MBNL2: variants seen among roughly 807,000 people sequenced by gnomAD.
The protein encoded by MBNL2 is muscleblind-like protein 2.
MBNL2 carries 17 observed loss-of-function variants against 41.9 expected under a neutral mutation model. The ratio of observed to expected loss-of-function variants is 0.41; its 90% CI spans 0.28 to 0.61. The LOEUF is 0.61. MBNL2 is among the 20% of genes least tolerant of loss of function. MBNL2 has a pLI of 0.35. For missense variants in MBNL2, 336 were observed against 505.6 expected (o/e 0.66, Z 3.22); for synonymous variants, 195 against 182.9 (o/e 1.07, Z -0.53).
At chr13:97,236,387 G>A (rs2043277230) in intron 1 of MBNL2, among the ~76,000 whole-genome samples, 2 of 151,910 alleles carry the variant, frequency 1.3e-5, no homozygotes, top group African/African-American at 2.4e-5. Context: ...GTTGGGGGTG[G>A]TATCTGAAAG....
the MBNL2 span, among the ~76,000 whole-genome samples, chr13:97,186,603 ACTAT>A: frequency 3.0e-4 from 45 of 152,214 alleles, no homozygotes; most frequent in Non-Finnish European, 5.7e-4. Context: ...GGTCAGAATG[ACTAT>A]CTAACCATAT....
intron 1 of MBNL2, among the ~76,000 whole-genome samples, chr13:97,226,627 C>T (rs1184762585): frequency 6.6e-6 from 1 of 152,086 alleles, no homozygotes. Context: ...TGGGGGAGAA[C>T]AAGAGATGGA....
chr13:97,370,156 A>G (rs2049414926), intron 8 of MBNL2, among the ~76,000 whole-genome samples: 2 of 152,190 alleles, frequency 1.3e-5, no homozygotes, highest in African/African-American at 4.8e-5. Flanking sequence ...CCCATTTGAT[A>G]GATGGTAAAA....
intron 2 of MBNL2, among the ~76,000 whole-genome samples, chr13:97,331,366 G>C (rs1342589568): frequency 6.6e-6 from 1 of 152,210 alleles, no homozygotes; most frequent in Non-Finnish European, 1.5e-5. Context: ...TATGAGACCA[G>C]AATCTGTGAG....
At chr13:97,280,705 C>T (rs1418073139) in intron 2 of MBNL2, among the ~76,000 whole-genome samples, 2 of 152,230 alleles carry the variant, frequency 1.3e-5, no homozygotes, top group South Asian at 2.1e-4. Context: ...CTCCAACCCA[C>T]TCCAGCCACG....
upstream of MBNL2, chr13:97,222,322 C>A: frequency 2.5e-6 from 1 of 398,386 alleles, no homozygotes; most frequent in Non-Finnish European, 4.4e-6. Context: ...CAGCTTACAG[C>A]AACAGAGTTT....
intron 2 of MBNL2, among the ~76,000 whole-genome samples, chr13:97,300,803 C>G (rs934041827): frequency 4.6e-5 from 7 of 152,224 alleles, no homozygotes; most frequent in Non-Finnish European, 2.9e-5. Context: ...AAATTATAAT[C>G]TGGTAGGAAT....
In MBNL2 at chr13:97,276,242, T is replaced by A. The variant is rs2052102133; in HGVS notation, c.7T>A (p.Leu3Met). 6 of 1,613,312 alleles carry A rather than the reference T, an allele frequency of 3.7e-6. No individual in the cohort carries two copies. Among genetic ancestry groups the A allele is most frequent in the Non-Finnish European group, 5.1e-6 (6 of 1,179,494 alleles). Reference protein sequence around the residue: MALNVAPVRDTKW... With the variant: MAMNVAPVRDTKW... The stretch of plus-strand genomic sequence containing the variant: ...CCCAAATTACTTTATCACCATGGCT[T>A]TGAACGTTGCCCCAGTCAGAGATAC... Residue 3 changes from leucine (L) to methionine (M), a missense_variant, in exon 2 of 9, where the codon TTG becomes ATG. Leu to Met is a conservative substitution (Grantham distance 15). Coordinates refer to ENST00000679496, the MANE Select transcript of MBNL2 (RefSeq NM_001382683.1).
chr13:97,312,564 G>A (rs2058705592), intron 2 of MBNL2, among the ~76,000 whole-genome samples: 1 of 152,070 alleles, frequency 6.6e-6, no homozygotes, highest in Non-Finnish European at 1.5e-5. Flanking sequence ...TCCAAGAAAC[G>A]AGTCTATAAT....
At chr13:97,234,416 G>A (rs2042914330) in intron 1 of MBNL2, among the ~76,000 whole-genome samples, 1 of 152,092 alleles carries the variant, frequency 6.6e-6, no homozygotes, top group Non-Finnish European at 1.5e-5. Context: ...GACTCAAATT[G>A]AACCTTGAAC....
At chr13:97,260,332 C>T (rs1419482424) in intron 1 of MBNL2, among the ~76,000 whole-genome samples, 14 of 152,142 alleles carry the variant, frequency 9.2e-5, no homozygotes, top group Middle Eastern at 3.2e-3. Context: ...CAGTGTAGGC[C>T]GTCAGAAGAC....
chr13:97,326,983 C>T lies in MBNL2; in HGVS notation c.175-7293C>T, dbSNP rs766089253. On this transcript the variant is annotated intron_variant, in intron 2 of 8. Transcript: ENST00000679496. ...ATAAATGGACTAATAAGAATCGGCT[C>T]ACCCACTCTAACCACAGCCTTTATT... is the stretch of plus-strand genomic sequence containing the variant. Among the ~76,000 whole-genome samples the T allele has an allele frequency of 2.9e-4, 44 of 152,314 alleles. No individual in the cohort carries two copies. In the Middle Eastern group the frequency reaches 0.01, roughly 35 times the overall value.
intron 8 of MBNL2, among the ~76,000 whole-genome samples, chr13:97,365,426 T>C (rs958978703): frequency 2.6e-5 from 4 of 152,152 alleles, no homozygotes; most frequent in Non-Finnish European, 5.9e-5. Flanking sequence ...TTTTTAATGA[T>C]TTGTGTTTTG....
the MBNL2 span, among the ~76,000 whole-genome samples, chr13:97,149,147 G>T: frequency 6.6e-6 from 1 of 152,282 alleles, no homozygotes; most frequent in East Asian, 1.9e-4. Flanking sequence ...AGAGGGGAGA[G>T]AAAGTGATAG....
At chr13:97,264,217 T>C (rs184835593) in intron 1 of MBNL2, among the ~76,000 whole-genome samples, 1 of 151,576 alleles carries the variant, frequency 6.6e-6, no homozygotes, top group Non-Finnish European at 1.5e-5. Flanking sequence ...TTAGTAGAGA[T>C]GGAGTTTCAC....
chr13:97,347,263 A>G (rs1205530419), intron 5 of MBNL2, among the ~76,000 whole-genome samples, 196 bp downstream of exon 5: 1 of 152,070 alleles, frequency 6.6e-6, no homozygotes, highest in Non-Finnish European at 1.5e-5. Flanking sequence ...CTTCAGCACA[A>G]TAAGTAAATC....
At position 97,269,644 on chromosome 13, in the gene MBNL2, ACAG is replaced by A. The variant is rs549718833; in HGVS notation, c.-604-5983_-604-5981del. On this transcript the variant is annotated intron_variant, in intron 1 of 8. Transcript: ENST00000679496. ...AGGTGTTCCCTTCACTTTTGGGTGA[ACAG>A]CAGCTGGAGGAAGAAAGCGGGCTTA... 8.5e-5 allele frequency among the ~76,000 whole-genome samples: 13 copies of A among 152,282 alleles called. No individual in the cohort carries two copies. In the South Asian group the frequency reaches 2.3e-3, roughly 27 times the overall value.
chr13:97,331,568 G>A (rs979172593), intron 2 of MBNL2, among the ~76,000 whole-genome samples: 2 of 152,136 alleles, frequency 1.3e-5, no homozygotes, highest in Admixed American at 6.5e-5. Context: ...GCTTGGCAGC[G>A]TGATGTAATT....
the MBNL2 span, among the ~76,000 whole-genome samples, chr13:97,176,121 C>G: frequency 6.6e-6 from 1 of 152,098 alleles, no homozygotes. Context: ...TTCTGCCAGG[C>G]AAATAGCTCG....
Sources: gnomAD v4.1 joint callset for allele counts (sites outside exome capture counted in the v4.1 genomes callset) on GRCh38, gnomAD v4.1.1 for gene constraint, MANE v1.5 for transcripts, NCBI Gene and HGNC (gene_info 2026-07-23, HGNC 2026-07-21) for gene names.